The following IDO2 variants were observed in gnomAD, a reference collection of about 807,000 sequenced individuals.
The protein encoded by IDO2 is indoleamine 2,3-dioxygenase 2.
A neutral mutation model predicts 45.1 loss-of-function variants in IDO2; 46 were observed. That is an observed-to-expected ratio of 1.02 (90% CI 0.80 to 1.30). The LOEUF is 1.30. IDO2 is among the 50% of genes most tolerant of loss of function. IDO2 has a pLI of 0.00. For synonymous variants in IDO2, 218 were observed against 184.9 expected (o/e 1.18, Z -1.45); for missense variants, 544 against 491.8 (o/e 1.11, Z -1.00).
At chr8:39,994,346 G>T (rs548768431) in intron 8 of IDO2, among the ~76,000 whole-genome samples, 4 of 151,118 alleles carry the variant, frequency 2.6e-5, no homozygotes, top group Non-Finnish European at 5.9e-5. Flanking sequence ...CAACCTCTGC[G>T]TCCCAGGTTT....
At chr8:39,999,570 C>A (rs183855242) in intron 8 of IDO2, among the ~76,000 whole-genome samples, 2 of 151,280 alleles carry the variant, frequency 1.3e-5, no homozygotes, top group Non-Finnish European at 1.5e-5. Context: ...TGAGCCACCA[C>A]GCCTGGCCAC....
chr8:39,963,439 G>C (rs1808029417), intron 2 of IDO2, among the ~76,000 whole-genome samples, 169 bp from the exon 3 acceptor site: 1 of 152,178 alleles, frequency 6.6e-6, no homozygotes, highest in Non-Finnish European at 1.5e-5. Context: ...TTAGTCATCT[G>C]TGTATCTGAG....
intron 2 of IDO2, among the ~76,000 whole-genome samples, chr8:39,962,556 A>G (rs1808015509): frequency 6.6e-6 from 1 of 152,178 alleles, no homozygotes. Flanking sequence ...GAAATCCAGG[A>G]TCTTGTCTCA....
At chr8:40,008,196 G>A (rs1374845529) in intron 9 of IDO2, among the ~76,000 whole-genome samples, 8 of 151,902 alleles carry the variant, frequency 5.3e-5, no homozygotes, top group Non-Finnish European at 2.9e-5. Flanking sequence ...ACAGGCACCC[G>A]CCACCAGCCC....
chr8:40,015,868 G>C, exon 11 of IDO2: 1 of 410,138 alleles, frequency 2.4e-6, no homozygotes, highest in Non-Finnish European at 4.3e-6. Flanking sequence ...CCAGAGGAGT[G>C]ACTGTATGCC....
chr8:40,006,747 G>A (rs1802228367), intron 9 of IDO2, among the ~76,000 whole-genome samples: 2 of 151,894 alleles, frequency 1.3e-5, no homozygotes, highest in Admixed American at 1.3e-4. Flanking sequence ...GGCAACCTCT[G>A]CCTCCTGGAT....
exon 11 of IDO2, chr8:40,015,633 C>T (rs1421563967): frequency 2.0e-6 from 3 of 1,514,906 alleles, no homozygotes; most frequent in Non-Finnish European, 2.7e-6. Context: ...AATGCAGAGC[C>T]CCCATGGAGG....
rs1554548580 is a variant in IDO2, at chr8:39,995,155, T to TCTTCTTCTC, written c.667+5319_667+5320insTCTTCTCCT. ...TTATTCTTATTATTCTTCTTCTTCTTCTCCTCCTCCTCCTCCTCTTCTTCC... is the reference window on the plus strand; with the variant it reads ...TTATTCTTATTATTCTTCTTCTTCTTCTTCTTCTCCTCCTCCTCCTCCTCCTCTTCTTCC... On this transcript the variant is annotated intron_variant, in intron 8 of 10. Transcript: ENST00000502986. 10 of 102,998 alleles carry TCTTCTTCTC rather than the reference T, an allele frequency of 9.7e-5. No individual in the cohort carries two copies. In the East Asian group the frequency reaches 2.1e-3, roughly 21 times the overall value. The allele number at this position is 102,998 out of a possible 1,614,324, so 6.4% of individuals were successfully genotyped here.
intron 4 of IDO2, among the ~76,000 whole-genome samples, chr8:39,981,147 C>T (rs571879211): frequency 1.3e-5 from 2 of 151,890 alleles, no homozygotes; most frequent in Admixed American, 1.3e-4. Context: ...CTGCAAGCTC[C>T]GCCTCCCAGG....
intron 9 of IDO2, among the ~76,000 whole-genome samples, chr8:40,013,313 C>G (rs1802335404): frequency 6.6e-6 from 1 of 152,110 alleles, no homozygotes; most frequent in Non-Finnish European, 1.5e-5. Flanking sequence ...AAATTCCTCT[C>G]TAAATAGCCT....
intron 8 of IDO2, among the ~76,000 whole-genome samples, chr8:40,004,521 C>T (rs61478429): frequency 8.9e-6 from 1 of 112,828 alleles, no homozygotes; most frequent in African/African-American, 3.4e-5. Flanking sequence ...ATTAGACAGA[C>T]AGATGATAGA....
chr8:40,007,650 T>C (rs1802242972), intron 9 of IDO2, among the ~76,000 whole-genome samples: 1 of 152,216 alleles, frequency 6.6e-6, no homozygotes, highest in South Asian at 2.1e-4. Context: ...GCACCCCAAT[T>C]CTGGAAAATC....
intron 2 of IDO2, among the ~76,000 whole-genome samples, chr8:39,958,876 T>G (rs916587694): frequency 4.6e-5 from 7 of 152,216 alleles, no homozygotes; most frequent in Non-Finnish European, 8.8e-5. Context: ...AAAATACAGT[T>G]TTACAAATCT....
intron 7 of IDO2, among the ~76,000 whole-genome samples, chr8:39,988,610 G>A (rs1271329715): frequency 6.6e-6 from 1 of 152,038 alleles, no homozygotes; most frequent in Non-Finnish European, 1.5e-5. Context: ...GTAGAGACAG[G>A]GTTTCACCAT....
At chr8:39,955,813 C>T (rs1047835183) in intron 2 of IDO2, among the ~76,000 whole-genome samples, 1 of 152,128 alleles carries the variant, frequency 6.6e-6, no homozygotes, top group South Asian at 2.1e-4. Flanking sequence ...TGTCCCCAAA[C>T]GTTTTCTATA....
chr8:39,978,714 T>G (rs1282169694), intron 3 of IDO2, among the ~76,000 whole-genome samples: 1 of 152,126 alleles, frequency 6.6e-6, no homozygotes, highest in South Asian at 2.1e-4. Flanking sequence ...CATGCAAGAC[T>G]CCTAGGAAAT....
chr8:40,010,460 CA>C (rs1802294185), intron 9 of IDO2, among the ~76,000 whole-genome samples: 1 of 152,154 alleles, frequency 6.6e-6, no homozygotes, highest in Non-Finnish European at 1.5e-5. Flanking sequence ...AAAAGAATAA[CA>C]ATGTGATCTG....
chr8:39,985,317 C>CAT, intron 5 of IDO2, 191 bp from the exon 6 acceptor site: 1 of 608,318 alleles, frequency 1.6e-6, no homozygotes. Flanking sequence ...CATAGCACCC[C>CAT]ATAGTCCAGC....
At chr8:39,963,155 C>T (rs755912111) in intron 2 of IDO2, among the ~76,000 whole-genome samples, 56 of 152,302 alleles carry the variant, frequency 3.7e-4, no homozygotes, top group Non-Finnish European at 6.6e-4. Flanking sequence ...CAGGAAGCAC[C>T]TACATCTGTT....
Sources: gnomAD v4.1 joint callset for allele counts (sites outside exome capture counted in the v4.1 genomes callset) on GRCh38, gnomAD v4.1.1 for gene constraint, MANE v1.5 for transcripts, NCBI Gene and HGNC (gene_info 2026-07-23, HGNC 2026-07-21) for gene names.